Variants in PCDHA4 observed in about 807,000 individuals in gnomAD.
The protein encoded by PCDHA4 is protocadherin alpha 4.
In PCDHA4, 49 loss-of-function variants were observed where a neutral mutation model predicts 61.4. The observed-to-expected ratio is 0.80, with a 90% CI of 0.63 to 1.01. The LOEUF is 1.01. Among genes scored for constraint, PCDHA4 ranks in the 50% least tolerant of loss-of-function variants. The pLI is 0.00. For synonymous variants in PCDHA4, 590 were observed against 550.3 expected, an observed-to-expected ratio of 1.07 and a Z score of -1.01; for missense variants, 1,254 against 1,235.8, an observed-to-expected ratio of 1.01 and a Z score of -0.22.
intron 1 of PCDHA4, chr5:140,870,228 C>T: frequency 6.2e-7 from 1 of 1,614,186 alleles, no homozygotes; most frequent in South Asian, 1.1e-5. Context: ...GCGTGTCTGA[C>T]CGTGACTCAG....
At chr5:140,828,166 G>T (rs2150151678) in intron 1 of PCDHA4, 1 of 1,614,182 alleles carries the variant, frequency 6.2e-7, no homozygotes, top group Non-Finnish European at 8.5e-7. Context: ...CAGCCTGGAA[G>T]GTGGGGAGCG....
intron 1 of PCDHA4, among the ~76,000 whole-genome samples, chr5:140,838,420 G>A (rs1431483628): frequency 6.6e-6 from 1 of 151,224 alleles, no homozygotes; most frequent in Non-Finnish European, 1.5e-5. Flanking sequence ...CACCGCATCC[G>A]GCCTAAATTA....
intron 1 of PCDHA4, among the ~76,000 whole-genome samples, chr5:140,826,318 TG>T (rs201431097): frequency 0.015 from 2,328 of 152,304 alleles, 62 homozygotes; most frequent in African/African-American, 0.052. Flanking sequence ...TTTTGGGGAT[TG>T]TTTTTGGTTA....
Position 140,978,953 on chromosome 5 carries a change from G to A in PCDHA4, c.2390G>A (p.Arg797Gln), listed in dbSNP as rs781913955. The A allele has an allele frequency of 1.4e-5, 23 of 1,613,930 alleles. No homozygotes were observed. In the South Asian group the frequency reaches 2.0e-4, roughly 14 times the overall value. Residue 797 changes from arginine to glutamine, a missense_variant, in exon 2 of 4, where the codon CGA becomes CAA. Arg to Gln is a conservative substitution (Grantham distance 43, BLOSUM62 1). Transcript: ENST00000530339. ...QTTEESFAKP[R>Q]QPNPDWRYSA... ...ACTCTCTTTGTGATTTTGCAGCCAC[G>A]ACAGCCCAACCCTGACTGGCGTTAC...
intron 1 of PCDHA4, chr5:140,836,045 C>G: frequency 1.2e-6 from 2 of 1,613,320 alleles, no homozygotes; most frequent in South Asian, 1.1e-5. Flanking sequence ...TGCAGGTGTT[C>G]GTGCTGGACG....
intron 1 of PCDHA4, chr5:140,858,383 A>T: frequency 6.3e-7 from 1 of 1,584,980 alleles, no homozygotes; most frequent in African/African-American, 1.3e-5. Flanking sequence ...ACCATGCCCA[A>T]TGGTAGATGT....
intron 1 of PCDHA4, among the ~76,000 whole-genome samples, chr5:140,932,118 A>C (rs2088050775): frequency 6.6e-6 from 1 of 151,946 alleles, no homozygotes; most frequent in African/African-American, 2.4e-5. Flanking sequence ...CCAATTGATA[A>C]TATTTAAGAT....
intron 3 of PCDHA4, chr5:140,989,125 T>G (rs2097330563): frequency 6.6e-6 from 1 of 152,152 alleles, no homozygotes; most frequent in Non-Finnish European, 1.5e-5. Context: ...CTTAGAAAAA[T>G]AAGACACTTT....
rs976643195 is a variant in PCDHA4 at position 141,010,391 on chromosome 5, C to A, written c.*454C>A. On this transcript the variant is annotated 3_prime_UTR_variant, in exon 4 of 4. Transcript: ENST00000530339. ...TGCGAGTGCCAGATATTGGCTGAGACGAGCCAGCTTAGACTAATTGGTACA... is the reference window on the plus strand; with the variant it reads ...TGCGAGTGCCAGATATTGGCTGAGAAGAGCCAGCTTAGACTAATTGGTACA... The A allele has an allele frequency of 2.2e-6, 3 of 1,386,760 alleles. No homozygotes were observed. Among genetic ancestry groups the A allele is most frequent in the Non-Finnish European group, 2.9e-6 (3 of 1,041,298 alleles). The allele number at this position is 1,386,760 out of a possible 1,614,324, so 85.9% of individuals were successfully genotyped here.
At chr5:140,890,217 G>T (rs2153429721) in intron 1 of PCDHA4, among the ~76,000 whole-genome samples, 1 of 152,142 alleles carries the variant, frequency 6.6e-6, no homozygotes, top group South Asian at 2.1e-4. Context: ...TTTTCCCAGA[G>T]ACCTAGTTGT....
chr5:140,911,445 A>C (rs1327839733), intron 1 of PCDHA4, among the ~76,000 whole-genome samples: 1 of 152,184 alleles, frequency 6.6e-6, no homozygotes, highest in Non-Finnish European at 1.5e-5. Context: ...CCGCAATTTC[A>C]GCTCTTTCTC....
At chr5:140,903,454 A>G (rs1554190971) in intron 1 of PCDHA4, among the ~76,000 whole-genome samples, 1 of 152,208 alleles carries the variant, frequency 6.6e-6, no homozygotes, top group Non-Finnish European at 1.5e-5. Flanking sequence ...ATCTGATCAA[A>G]CTTAAAATAT....
At chr5:140,850,247 G>C (rs2150475537) in intron 1 of PCDHA4, 3 of 1,593,682 alleles carry the variant, frequency 1.9e-6, no homozygotes, top group Middle Eastern at 2.3e-4. Context: ...TGCTGCGGTC[G>C]GTGGGCGCCG....
At chr5:140,825,177 G>T (rs1289982314) in intron 1 of PCDHA4, 2 of 151,306 alleles carry the variant, frequency 1.3e-5, no homozygotes, top group Non-Finnish European at 1.5e-5. Context: ...ATTTACTAAT[G>T]TATCTTGATG....
intron 3 of PCDHA4, among the ~76,000 whole-genome samples, chr5:140,984,986 G>A (rs553872050): frequency 6.6e-6 from 1 of 152,080 alleles, no homozygotes; most frequent in African/African-American, 2.4e-5. Context: ...CCCCCAGGCT[G>A]GAGTCCAGTG....
chr5:140,876,022 A>G lies in PCDHA4; in HGVS notation c.2385+66450A>G, dbSNP rs782132751. ...TGAGAATTTTGAGCTTAAAATAAAA[A>G]CAAAAAAAGATAAAAGTATATTGCC... On this transcript the variant is annotated intron_variant, in intron 1 of 3. Coordinates refer to ENST00000530339, the MANE Select transcript of PCDHA4 (RefSeq NM_018907.4). 1.7e-5 allele frequency: 28 copies of G among 1,613,632 alleles called. No homozygotes were observed. The highest frequency in any genetic ancestry group is 2.2e-5 in the Non-Finnish European group (26 of 1,179,850).
chr5:140,908,834 G>A (rs915665508), intron 1 of PCDHA4, among the ~76,000 whole-genome samples: 64 of 152,226 alleles, frequency 4.2e-4, no homozygotes, highest in African/African-American at 1.4e-3. Flanking sequence ...CGATAAATGG[G>A]CTGGAGTAAC....
At chr5:140,810,363 T>C (rs1453953987) in intron 1 of PCDHA4, 3 of 152,234 alleles carry the variant, frequency 2.0e-5, no homozygotes, top group Non-Finnish European at 4.4e-5. Context: ...GTTGTGTTTG[T>C]GGGTCACAGA....
intron 1 of PCDHA4, among the ~76,000 whole-genome samples, chr5:140,960,278 T>A (rs2095536864): frequency 6.6e-6 from 1 of 152,192 alleles, no homozygotes. Context: ...CGTCACCTTT[T>A]TGGGACCCAG....
Sources: gnomAD v4.1 joint callset for allele counts (sites outside exome capture counted in the v4.1 genomes callset) on GRCh38, gnomAD v4.1.1 for gene constraint, MANE v1.5 for transcripts, NCBI Gene and HGNC (gene_info 2026-07-23, HGNC 2026-07-21) for gene names.